The following ST6GAL1 variants were observed in gnomAD, a reference collection of about 807,000 sequenced individuals.
ST6GAL1 encodes the protein ST6 beta-galactoside alpha-2,6-sialyltransferase 1.
A neutral mutation model predicts 38.0 loss-of-function variants in ST6GAL1; 20 were observed. The ratio of observed to expected loss-of-function variants is 0.53; its 90% CI spans 0.37 to 0.77. The LOEUF (loss-of-function observed/expected upper bound fraction) is 0.77, where lower values mean the gene tolerates loss of function less well. Ranked by LOEUF, ST6GAL1 falls within the 30% of genes least tolerant of loss-of-function variation. ST6GAL1 has a pLI of 0.00. For synonymous variants in ST6GAL1, 196 were observed against 188.2 expected, an observed-to-expected ratio of 1.04 and a Z score of -0.34; for missense variants, 432 against 496.4, an observed-to-expected ratio of 0.87 and a Z score of 1.23.
intron 1 of ST6GAL1, among the ~76,000 whole-genome samples, chr3:186,954,295 C>T (rs776342632): frequency 7.9e-5 from 12 of 152,106 alleles, no homozygotes; most frequent in Admixed American, 3.3e-4. Context: ...TGAACATATG[C>T]GTGCATGTAT....
At chr3:187,026,064 C>CCAA (rs1717525927) in intron 2 of ST6GAL1, among the ~76,000 whole-genome samples, 1 of 152,198 alleles carries the variant, frequency 6.6e-6, no homozygotes, top group African/African-American at 2.4e-5. Context: ...TAAACACTTG[C>CCAA]CAACAGTCAC....
At chr3:187,012,317 G>A (rs1203983039) in intron 2 of ST6GAL1, among the ~76,000 whole-genome samples, 2 of 151,944 alleles carry the variant, frequency 1.3e-5, no homozygotes, top group Non-Finnish European at 2.9e-5. Flanking sequence ...GAGTGCAGTG[G>A]CACGATCTCG....
At chr3:186,980,497 C>T (rs60629549) in intron 2 of ST6GAL1, among the ~76,000 whole-genome samples, 3,087 of 151,560 alleles carry the variant, frequency 0.02, 102 homozygotes, top group African/African-American at 0.067. Context: ...CGGTGGCTCA[C>T]GCCTGTAATC....
chr3:187,066,810 C>T (rs994642652), intron 5 of ST6GAL1, among the ~76,000 whole-genome samples: 1 of 152,112 alleles, frequency 6.6e-6, no homozygotes, highest in African/African-American at 2.4e-5. Flanking sequence ...ATGAACTCCT[C>T]CCCTGCCCCC....
chr3:187,070,121 G>A (rs1024182505), intron 5 of ST6GAL1, among the ~76,000 whole-genome samples: 14 of 152,294 alleles, frequency 9.2e-5, no homozygotes, highest in Admixed American at 8.5e-4. Flanking sequence ...GTTCCTGGAA[G>A]CCACACTTGC....
chr3:187,054,193 T>C (rs1718610638), intron 5 of ST6GAL1, among the ~76,000 whole-genome samples: 1 of 152,238 alleles, frequency 6.6e-6, no homozygotes, highest in Non-Finnish European at 1.5e-5. Flanking sequence ...CTTGAGGAGA[T>C]TTTGAGCTGA....
At chr3:187,020,518 T>C (rs1464796348) in intron 2 of ST6GAL1, among the ~76,000 whole-genome samples, 1 of 152,222 alleles carries the variant, frequency 6.6e-6, no homozygotes, top group Non-Finnish European at 1.5e-5. Flanking sequence ...CGGTGATGCC[T>C]TTGAAACATA....
chr3:187,046,008 A>G (rs1718282680), intron 4 of ST6GAL1, among the ~76,000 whole-genome samples: 1 of 152,194 alleles, frequency 6.6e-6, no homozygotes, highest in Admixed American at 6.5e-5. Flanking sequence ...TAAGGACTTT[A>G]GGTTTCATTC....
intron 2 of ST6GAL1, among the ~76,000 whole-genome samples, chr3:186,988,161 G>C (rs953356621): frequency 6.6e-6 from 1 of 152,240 alleles, no homozygotes; most frequent in East Asian, 1.9e-4. Flanking sequence ...AAAACTCTTC[G>C]ATTAGACAGT....
chr3:187,035,086 A>G (rs562799647), intron 2 of ST6GAL1, among the ~76,000 whole-genome samples: 4 of 152,218 alleles, frequency 2.6e-5, no homozygotes, highest in African/African-American at 9.6e-5. Context: ...ATAAAAATTC[A>G]TGGCATTTCC....
chr3:186,960,969 C>CTT lies in ST6GAL1; in HGVS notation c.-324-2798_-324-2797dup, dbSNP rs531371070. On this transcript the variant is annotated intron_variant, in intron 1 of 7. Coordinates refer to ENST00000169298, the MANE Select transcript of ST6GAL1 (RefSeq NM_173216.2). ...AGTCCCTGTAGCTCCATCATTTGATCTTTTTTTTTTTTTTTTTTTAGATAG... is the reference window on the plus strand; with the variant it reads ...AGTCCCTGTAGCTCCATCATTTGATCTTTTTTTTTTTTTTTTTTTTTAGATAG... Among the ~76,000 whole-genome samples, 355 of 124,708 alleles carry CTT rather than the reference C, an allele frequency of 2.8e-3. 3 individuals carry two copies. Among genetic ancestry groups the CTT allele is most frequent in the African/African-American group, 9.8e-3 (332 of 33,740 alleles). The allele number at this position is 124,708 out of a possible 152,430, so 81.8% of individuals were successfully genotyped here.
At chr3:187,047,860 C>T (rs1382521005) in intron 4 of ST6GAL1, among the ~76,000 whole-genome samples, 1 of 151,986 alleles carries the variant, frequency 6.6e-6, no homozygotes, top group Non-Finnish European at 1.5e-5. Context: ...TACATGCATA[C>T]AATGCGCAAT....
rs192930302 is a variant in ST6GAL1, at chr3:187,058,931, G to A, written c.705+7585G>A. The stretch of plus-strand genomic sequence containing the variant: ...GTTAGTATTACAGGCGTGAGCCATC[G>A]TGCCTGGCCTACTTTTATTGTTACT... On this transcript the variant is annotated intron_variant, in intron 5 of 7. Transcript: ENST00000169298. 6.6e-5 allele frequency among the ~76,000 whole-genome samples: 10 copies of A among 152,220 alleles called. No homozygotes were observed. In the East Asian group the frequency reaches 1.9e-3, roughly 29 times the overall value.
In ST6GAL1 at chr3:187,043,225, T is replaced by C. The variant is rs762795253; in HGVS notation, c.522T>C (p.Ile174=). The change falls in exon 4 of 8, where the codon ATT becomes ATC. Residue 174 remains isoleucine, a synonymous_variant. Coordinates refer to ENST00000169298, the MANE Select transcript of ST6GAL1 (RefSeq NM_173216.2). The part of the protein sequence containing the change: ...EWEGYLPKES[I]RTKAGPWGRC... ...AGGGTTATCTGCCCAAGGAGAGCAT[T>C]AGGACCAAGGCTGGGCCTTGGGGCA... 5.0e-6 allele frequency: 8 copies of C among 1,614,032 alleles called. No homozygotes were observed. The Admixed American group carries it at 5.0e-5, about 10-fold the overall frequency.
Position 187,043,258 on chromosome 3 carries a change from T to C in ST6GAL1, c.555T>C (p.Ala185=). The change falls in exon 4 of 8, where the codon GCT becomes GCC. Residue 185 remains alanine, a synonymous_variant. Coordinates refer to ENST00000169298, the MANE Select transcript of ST6GAL1 (RefSeq NM_173216.2). ...AGGCTGGGCCTTGGGGCAGGTGTGC[T>C]GTTGTGTCGTCAGCGGGATCTCTGA... The part of the protein sequence containing the change: ...RTKAGPWGRC[A]VVSSAGSLKS... 6.8e-6 allele frequency: 11 copies of C among 1,614,216 alleles called. No homozygotes were observed. Among genetic ancestry groups the C allele is most frequent in the African/African-American group, 1.3e-5 (1 of 75,068 alleles).
intron 6 of ST6GAL1, 25 bp downstream of exon 6, chr3:187,072,972 G>C: frequency 6.4e-7 from 1 of 1,562,168 alleles, no homozygotes; most frequent in South Asian, 1.1e-5. Flanking sequence ...GTGGGAAATA[G>C]GGGTTGAGTT....
intron 2 of ST6GAL1, among the ~76,000 whole-genome samples, chr3:187,032,008 A>C (rs1411499239): frequency 6.6e-6 from 1 of 152,164 alleles, no homozygotes; most frequent in Admixed American, 6.5e-5. Context: ...AGGATTGCTA[A>C]AGTTTCTCAC....
At chr3:186,949,836 AT>A (rs879928301) in intron 1 of ST6GAL1, among the ~76,000 whole-genome samples, 2 of 152,188 alleles carry the variant, frequency 1.3e-5, no homozygotes, top group Non-Finnish European at 2.9e-5. Flanking sequence ...CTTAGTCTAT[AT>A]TCATCCTTTC....
At chr3:187,068,734 A>AT (rs1351706888) in intron 5 of ST6GAL1, among the ~76,000 whole-genome samples, 4 of 152,252 alleles carry the variant, frequency 2.6e-5, no homozygotes, top group African/African-American at 7.2e-5. Flanking sequence ...AGGGGGAGAC[A>AT]TTTTTTAAAA....
Sources: gnomAD v4.1 joint callset for allele counts (sites outside exome capture counted in the v4.1 genomes callset) on GRCh38, gnomAD v4.1.1 for gene constraint, MANE v1.5 for transcripts, NCBI Gene and HGNC (gene_info 2026-07-23, HGNC 2026-07-21) for gene names.